Variants in SCML4 observed in about 807,000 individuals in gnomAD.
SCML4 encodes sex comb on midleg-like protein 4.
A neutral mutation model predicts 41.1 loss-of-function variants in SCML4; 34 were observed. That is an observed-to-expected ratio of 0.83 (90% CI 0.63 to 1.10). The LOEUF (loss-of-function observed/expected upper bound fraction) is 1.10. SCML4 is among the 50% of genes least tolerant of loss of function. The pLI, the probability that SCML4 is intolerant of heterozygous loss-of-function variation, is 0.00. For missense variants in SCML4, 522 were observed against 534.1 expected, an observed-to-expected ratio of 0.98 and a Z score of 0.22; for synonymous variants, 214 against 220.9, an observed-to-expected ratio of 0.97 and a Z score of 0.28.
At chr6:107,712,390 CT>C (rs1774309886) in intron 6 of SCML4, among the ~76,000 whole-genome samples, 1 of 152,196 alleles carries the variant, frequency 6.6e-6, no homozygotes, top group South Asian at 2.1e-4. Flanking sequence ...CAGGGAAACA[CT>C]TTCCCTTCAA....
chr6:107,785,965 C>A (rs2114604105), intron 1 of SCML4, among the ~76,000 whole-genome samples: 1 of 151,428 alleles, frequency 6.6e-6, no homozygotes. Context: ...TCCAAGGGGG[C>A]CTTGGGGTGC....
intron 1 of SCML4, among the ~76,000 whole-genome samples, chr6:107,789,105 A>T (rs537879064): frequency 6.6e-6 from 1 of 152,316 alleles, no homozygotes; most frequent in East Asian, 1.9e-4. Flanking sequence ...ACTCTTACAC[A>T]GCCTGTTGGT....
intron 5 of SCML4, among the ~76,000 whole-genome samples, chr6:107,723,738 C>A (rs2114415381): frequency 6.6e-6 from 1 of 152,286 alleles, no homozygotes; most frequent in Middle Eastern, 3.4e-3. Flanking sequence ...AAAAATAATA[C>A]TAATTCTTTA....
intron 2 of SCML4, among the ~76,000 whole-genome samples, chr6:107,757,951 C>T (rs1045522430): frequency 2.0e-5 from 3 of 152,142 alleles, no homozygotes; most frequent in South Asian, 2.1e-4. Context: ...AGATGATCCC[C>T]TCTGTGAAAC....
At chr6:107,835,736 C>T in the SCML4 span, among the ~76,000 whole-genome samples, 2 of 134,526 alleles carry the variant, frequency 1.5e-5, no homozygotes, top group Admixed American at 1.7e-4. Context: ...TGCACTCCAG[C>T]CTGGGTAAGA....
At chr6:107,751,573 T>TCTTC (rs1334974063) in intron 2 of SCML4, among the ~76,000 whole-genome samples, 32 of 23,630 alleles carry the variant, frequency 1.4e-3, no homozygotes, top group African/African-American at 5.5e-3. Context: ...ATTTTAACAA[T>TCTTC]CTTTCTTTCT....
intron 6 of SCML4, among the ~76,000 whole-genome samples, chr6:107,712,953 A>C (rs774004763): frequency 7.2e-5 from 11 of 152,258 alleles, no homozygotes; most frequent in Admixed American, 4.6e-4. Flanking sequence ...CTTTGTGAGC[A>C]GGCAGAGTTC....
At chr6:107,839,466 T>C in the SCML4 span, among the ~76,000 whole-genome samples, 10 of 151,260 alleles carry the variant, frequency 6.6e-5, no homozygotes, top group African/African-American at 2.4e-4. Flanking sequence ...AGAAAAGAAA[T>C]TTACAGGCAA....
At chr6:107,802,619 G>GT (rs1783249713) in intron 1 of SCML4, among the ~76,000 whole-genome samples, 2 of 142,832 alleles carry the variant, frequency 1.4e-5, no homozygotes, top group African/African-American at 5.4e-5. Flanking sequence ...AGGAAGGAAG[G>GT]AAGGAAGGAA....
chr6:107,839,801 A>G, the SCML4 span, among the ~76,000 whole-genome samples: 1 of 152,170 alleles, frequency 6.6e-6, no homozygotes, highest in African/African-American at 2.4e-5. Flanking sequence ...TATGCTGCCC[A>G]GGCTTGTCTC....
the SCML4 span, among the ~76,000 whole-genome samples, chr6:107,838,787 A>T: frequency 6.6e-6 from 1 of 152,162 alleles, no homozygotes; most frequent in Admixed American, 6.5e-5. Context: ...AGAAATAGAG[A>T]CACATGCAAA....
the SCML4 span, among the ~76,000 whole-genome samples, chr6:107,835,775 A>AT: frequency 1.3e-5 from 2 of 151,384 alleles, no homozygotes; most frequent in Non-Finnish European, 2.9e-5. Flanking sequence ...AAAAAAAAAA[A>AT]AAAAAAAAGA....
rs1057170537 is a variant in SCML4, at chr6:107,702,883, T to C, written c.*2317A>G. 6.6e-6 allele frequency among the ~76,000 whole-genome samples: 1 copy of C among 152,228 alleles called. No homozygotes were observed. The highest frequency in any genetic ancestry group is 1.5e-5 in the Non-Finnish European group (1 of 68,038). Reference sequence around the variant, plus strand: ...GCATTCCCAGATGGCTAAAGCATTCTGAGTCACAGGATGAGACAGGAGGTC... The same window carrying C: ...GCATTCCCAGATGGCTAAAGCATTCCGAGTCACAGGATGAGACAGGAGGTC... On this transcript the variant is annotated 3_prime_UTR_variant, in exon 8 of 8. Coordinates refer to ENST00000369020, the MANE Select transcript of SCML4 (RefSeq NM_198081.5).
intron 5 of SCML4, among the ~76,000 whole-genome samples, chr6:107,736,471 C>T (rs1480624306): frequency 6.6e-6 from 1 of 152,186 alleles, no homozygotes. Flanking sequence ...GATGAGAAGA[C>T]CTGCTCTCGG....
chr6:107,773,917 G>T (rs544316172), intron 1 of SCML4, among the ~76,000 whole-genome samples: 1 of 152,338 alleles, frequency 6.6e-6, no homozygotes, highest in African/African-American at 2.4e-5. Context: ...GGACAAGATT[G>T]CTCTGCTCAG....
At chr6:107,822,523 C>CTTTTTT (rs1785025761) in intron 1 of SCML4, among the ~76,000 whole-genome samples, 1 of 67,342 alleles carries the variant, frequency 1.5e-5, no homozygotes, top group African/African-American at 1.5e-4. Flanking sequence ...TTTTTTTTTG[C>CTTTTTT]AGCAAAATAA....
Position 107,718,080 on chromosome 6 carries a change from G to A in SCML4, c.973+2623C>T, listed in dbSNP as rs1775010713. On this transcript the variant is annotated intron_variant, in intron 6 of 7. Transcript: ENST00000369020. Reference sequence around the variant, plus strand: ...GAGGAAGGGTCTGGGCTGCCCCTCGGCCAGTCGTCTGGCAAGATTACTCAG... The same window carrying A: ...GAGGAAGGGTCTGGGCTGCCCCTCGACCAGTCGTCTGGCAAGATTACTCAG... 2.0e-5 allele frequency among the ~76,000 whole-genome samples: 3 copies of A among 152,180 alleles called. No individual in the cohort carries two copies. The South Asian group carries it at 6.2e-4, about 32-fold the overall frequency.
At chr6:107,733,492 C>T (rs1776754102) in intron 5 of SCML4, among the ~76,000 whole-genome samples, 1 of 152,144 alleles carries the variant, frequency 6.6e-6, no homozygotes, top group Admixed American at 6.5e-5. Flanking sequence ...ATCTTAGAAG[C>T]CTACTGGTTT....
intron 1 of SCML4, among the ~76,000 whole-genome samples, chr6:107,782,506 T>C (rs1051331818): frequency 1.3e-5 from 2 of 152,270 alleles, no homozygotes; most frequent in Admixed American, 6.5e-5. Context: ...ACTGTGGAGA[T>C]TGCACGTGGG....
Sources: gnomAD v4.1 joint callset for allele counts (sites outside exome capture counted in the v4.1 genomes callset) on GRCh38, gnomAD v4.1.1 for gene constraint, MANE v1.5 for transcripts, NCBI Gene and HGNC (gene_info 2026-07-23, HGNC 2026-07-21) for gene names.